Variants in AMPH observed in about 807,000 individuals in gnomAD.
AMPH encodes the protein amphiphysin (Stiff-Mann syndrome with breast cancer 128kD autoantigen).
AMPH carries 49 observed loss-of-function variants against 99.1 expected under a neutral mutation model. The observed-to-expected ratio is 0.49, with a 90% confidence interval of 0.39 to 0.63. AMPH has a LOEUF of 0.63. Ranked by LOEUF, AMPH falls within the 20% of genes least tolerant of loss-of-function variation. AMPH has a pLI of 0.00. For synonymous variants in AMPH, 314 were observed against 317.3 expected (o/e 0.99, Z 0.11); for missense variants, 759 against 863.4 (o/e 0.88, Z 1.52).
intron 5 of AMPH, among the ~76,000 whole-genome samples, chr7:38,485,213 A>T (rs561813824): frequency 6.6e-6 from 1 of 152,096 alleles, no homozygotes; most frequent in South Asian, 2.1e-4. Flanking sequence ...AAAAGATCCA[A>T]CTATTTATTG....
At chr7:38,394,812 C>T (rs76930731) in intron 17 of AMPH, among the ~76,000 whole-genome samples, 8,826 of 152,282 alleles carry the variant, frequency 0.058, 356 homozygotes, top group East Asian at 0.19. Flanking sequence ...ATTCACTGAG[C>T]GCTAATCAGA....
At chr7:38,442,298 T>C (rs1163123825) in intron 11 of AMPH, among the ~76,000 whole-genome samples, 1 of 152,160 alleles carries the variant, frequency 6.6e-6, no homozygotes, top group Non-Finnish European at 1.5e-5. Flanking sequence ...TGAAGGTGGC[T>C]GCCATATGCT....
intron 1 of AMPH, among the ~76,000 whole-genome samples, chr7:38,617,598 G>A (rs527654262): frequency 2.6e-5 from 4 of 152,274 alleles, no homozygotes; most frequent in African/African-American, 9.6e-5. Flanking sequence ...ACCATGCTGG[G>A]TGCCCAGGTG....
At chr7:38,581,789 G>A (rs536410370) in intron 1 of AMPH, among the ~76,000 whole-genome samples, 3 of 152,228 alleles carry the variant, frequency 2.0e-5, no homozygotes, top group African/African-American at 4.8e-5. Context: ...GCTGATGGAC[G>A]AGATGAGAAG....
intron 1 of AMPH, among the ~76,000 whole-genome samples, chr7:38,587,667 C>T (rs1261318473): frequency 6.6e-6 from 1 of 152,110 alleles, no homozygotes; most frequent in African/African-American, 2.4e-5. Flanking sequence ...AAAAAACCTT[C>T]AAATAGTACA....
chr7:38,572,910 C>G (rs1480533827), intron 1 of AMPH, among the ~76,000 whole-genome samples: 1 of 152,146 alleles, frequency 6.6e-6, no homozygotes, highest in African/African-American at 2.4e-5. Flanking sequence ...GGCCCAGGAC[C>G]GTGGCCTCCA....
At chr7:38,631,141 G>C in intron 1 of AMPH, 142 bp downstream of exon 1, 1 of 670,578 alleles carries the variant, frequency 1.5e-6, no homozygotes, top group Non-Finnish European at 2.0e-6. Context: ...TGAGGGCAGG[G>C]CGTCCCAGCG....
chr7:38,627,387 C>CA (rs70977419), intron 1 of AMPH, among the ~76,000 whole-genome samples: 37,831 of 116,970 alleles, frequency 0.32, 6,440 homozygotes, highest in African/African-American at 0.42. Flanking sequence ...ACTAAAAATA[C>CA]AAAAAAAAAA....
chr7:38,503,742 A>C (rs900068233), intron 2 of AMPH, 38 bp from the exon 3 acceptor site: 1 of 1,597,804 alleles, frequency 6.3e-7, no homozygotes, highest in Admixed American at 1.7e-5. Context: ...TATCTAGTCT[A>C]TATTCTGCAT....
chr7:38,432,178 T>G lies in AMPH; in HGVS notation c.1158+11A>C. 2 of 1,610,746 alleles carry G rather than the reference T, an allele frequency of 1.2e-6. No homozygotes were observed. The highest frequency in any genetic ancestry group is 1.1e-5 in the South Asian group (1 of 91,032). ...AAGATACATGAAAAAACAGAGTTAT[T>G]AGTGGCTTACCGTCCATAGGTCCCA... On this transcript the variant is annotated intron_variant, in intron 13 of 20. Coordinates refer to ENST00000356264, the MANE Select transcript of AMPH (RefSeq NM_001635.4).
chr7:38,509,011 T>G (rs3807407), intron 2 of AMPH, among the ~76,000 whole-genome samples: 16,085 of 152,178 alleles, frequency 0.11, 1,245 homozygotes, highest in East Asian at 0.28. Context: ...AATAGAGCTC[T>G]CCCTATGAAA....
intron 5 of AMPH, 136 bp from the exon 6 acceptor site, chr7:38,477,105 C>T: frequency 1.5e-6 from 1 of 662,724 alleles, no homozygotes; most frequent in Non-Finnish European, 2.7e-6. Flanking sequence ...GCTGGAGTTT[C>T]ACTAGCTAAG....
intron 1 of AMPH, among the ~76,000 whole-genome samples, chr7:38,554,253 A>T (rs1244021963): frequency 2.0e-5 from 3 of 152,184 alleles, no homozygotes; most frequent in African/African-American, 7.2e-5. Flanking sequence ...ATAACCAGGT[A>T]AATCTGAAGC....
chr7:38,423,495 T>A (rs1420281519), intron 15 of AMPH, among the ~76,000 whole-genome samples: 2 of 152,220 alleles, frequency 1.3e-5, no homozygotes, highest in African/African-American at 4.8e-5. Context: ...TTTGAACACA[T>A]GCAGTTGCCT....
At chr7:38,472,711 G>T (rs914797732) in intron 7 of AMPH, among the ~76,000 whole-genome samples, 1 of 152,156 alleles carries the variant, frequency 6.6e-6, no homozygotes, top group African/African-American at 2.4e-5. Flanking sequence ...CGAAAGGCAG[G>T]ATCTGGATTG....
Position 38,393,859 on chromosome 7 carries a change from T to C in AMPH, c.1608+146A>G, listed in dbSNP as rs1784588635. Reference sequence around the variant, plus strand: ...CAGCTGGGATTAGTCTTTCTGAGAATCTGATAATAATGTTGTTTGGTGGAG... The same window carrying C: ...CAGCTGGGATTAGTCTTTCTGAGAACCTGATAATAATGTTGTTTGGTGGAG... On this transcript the variant is annotated intron_variant, in intron 18 of 20. Coordinates refer to ENST00000356264, the MANE Select transcript of AMPH (RefSeq NM_001635.4). 7 of 731,676 alleles carry C rather than the reference T, an allele frequency of 9.6e-6. No individual in the cohort carries two copies. The South Asian group carries it at 1.1e-4, about 11-fold the overall frequency. 45.3% of individuals were successfully genotyped at this position (731,676 alleles called of 1,614,324 possible).
intron 10 of AMPH, among the ~76,000 whole-genome samples, chr7:38,461,649 TCTCAA>T (rs1467674402): frequency 6.6e-6 from 1 of 152,152 alleles, no homozygotes; most frequent in Non-Finnish European, 1.5e-5. Context: ...AGTCCATTCA[TCTCAA>T]CTCAAGTACA....
intron 1 of AMPH, among the ~76,000 whole-genome samples, chr7:38,569,319 A>G (rs895716485): frequency 1.3e-5 from 2 of 152,038 alleles, no homozygotes; most frequent in Non-Finnish European, 2.9e-5. Context: ...ATTTACAATC[A>G]TAAAAAGTAT....
intron 18 of AMPH, among the ~76,000 whole-genome samples, chr7:38,393,463 G>T (rs1389541750): frequency 6.6e-6 from 1 of 152,112 alleles, no homozygotes; most frequent in African/African-American, 2.4e-5. Context: ...AGGCAGTGCC[G>T]AGCAGGGCCC....
Sources: allele counts gnomAD v4.1 joint callset (sites outside exome capture counted in the v4.1 genomes callset), GRCh38; gene constraint gnomAD v4.1.1; transcripts MANE v1.5; gene names NCBI Gene and HGNC (gene_info 2026-07-23, HGNC 2026-07-21).